The following MAPK10 variants were observed in gnomAD, a reference collection of about 807,000 sequenced individuals.
The protein encoded by MAPK10 is mitogen-activated protein kinase 10.
Under a neutral mutation model 59.3 loss-of-function variants are expected in MAPK10, and 25 were observed. That is an observed-to-expected ratio of 0.42 (90% CI 0.31 to 0.59). The LOEUF (loss-of-function observed/expected upper bound fraction) is 0.59. Among genes scored for constraint, MAPK10 ranks in the 20% least tolerant of loss-of-function variants. MAPK10 has a pLI of 0.15. For missense variants in MAPK10, 351 were observed against 568.9 expected (o/e 0.62, Z 3.90); for synonymous variants, 190 against 200.5 (o/e 0.95, Z 0.44).
intron 2 of MAPK10, among the ~76,000 whole-genome samples, chr4:86,333,712 T>C (rs1435811939): frequency 6.6e-6 from 1 of 152,160 alleles, no homozygotes; most frequent in Non-Finnish European, 1.5e-5. Flanking sequence ...CTCTACCATA[T>C]ACTGGTTGGT....
chr4:86,187,589 A>G (rs11097100), intron 3 of MAPK10, among the ~76,000 whole-genome samples: 12,893 of 152,154 alleles, frequency 0.085, 1,214 homozygotes, highest in African/African-American at 0.23. Flanking sequence ...AAAGAATGAA[A>G]CTATTTTTAT....
intron 2 of MAPK10, among the ~76,000 whole-genome samples, chr4:86,293,061 G>A (rs1203375422): frequency 6.6e-6 from 1 of 152,124 alleles, no homozygotes; most frequent in East Asian, 1.9e-4. Context: ...TATGTCTATA[G>A]TTTAAACATA....
At chr4:86,417,812 C>G (rs1746039007) in intron 1 of MAPK10, among the ~76,000 whole-genome samples, 1 of 152,232 alleles carries the variant, frequency 6.6e-6, no homozygotes, top group African/African-American at 2.4e-5. Flanking sequence ...TTCCTCTTCT[C>G]TCCTTTGAAG....
At chr4:86,137,047 G>C (rs916773947) in intron 4 of MAPK10, among the ~76,000 whole-genome samples, 91 of 151,390 alleles carry the variant, frequency 6.0e-4, no homozygotes, top group Non-Finnish European at 1.1e-3. Context: ...AGTCCTGAGT[G>C]ACCTACAAAG....
chr4:86,179,997 CTAA>C (rs2076541045), intron 3 of MAPK10, among the ~76,000 whole-genome samples: 1 of 151,640 alleles, frequency 6.6e-6, no homozygotes, highest in African/African-American at 2.4e-5. Context: ...TTGTATCAAA[CTAA>C]AAAGCTTTTG....
intron 2 of MAPK10, among the ~76,000 whole-genome samples, chr4:86,208,591 A>C (rs1426689979): frequency 6.6e-6 from 1 of 151,940 alleles, no homozygotes; most frequent in Non-Finnish European, 1.5e-5. Flanking sequence ...GACGTATCTC[A>C]AAATAATAAG....
chr4:86,336,784 CTTTTT>C (rs70948788), intron 2 of MAPK10, among the ~76,000 whole-genome samples: 8 of 83,066 alleles, frequency 9.6e-5, no homozygotes, highest in South Asian at 5.5e-4. Flanking sequence ...GGAATGACTC[CTTTTT>C]TTTTTTTTTT....
intron 13 of MAPK10, among the ~76,000 whole-genome samples, chr4:86,022,165 A>C (rs1747500693): frequency 6.6e-6 from 1 of 152,170 alleles, no homozygotes; most frequent in East Asian, 1.9e-4. Context: ...GCACGCTCTC[A>C]CCTCTCAAAA....
intron 2 of MAPK10, among the ~76,000 whole-genome samples, chr4:86,271,992 C>T (rs1340046148): frequency 6.6e-6 from 1 of 151,938 alleles, no homozygotes; most frequent in East Asian, 1.9e-4. Context: ...CTTCTCTCCC[C>T]CTCCCACTTC....
chr4:86,068,785 C>T (rs1043553645), intron 9 of MAPK10, among the ~76,000 whole-genome samples: 2 of 152,098 alleles, frequency 1.3e-5, no homozygotes, highest in Admixed American at 6.5e-5. Flanking sequence ...TGCAGACATA[C>T]TCAATGATTG....
intron 2 of MAPK10, among the ~76,000 whole-genome samples, chr4:86,203,148 A>C (rs1416465699): frequency 6.6e-6 from 1 of 151,878 alleles, no homozygotes; most frequent in Non-Finnish European, 1.5e-5. Context: ...GCTTTCAATC[A>C]CTAGTTGTTC....
At chr4:86,396,140 G>A (rs570082662) in intron 1 of MAPK10, among the ~76,000 whole-genome samples, 21 of 152,334 alleles carry the variant, frequency 1.4e-4, no homozygotes, top group Middle Eastern at 3.4e-3. Flanking sequence ...GAGGCCAGGA[G>A]ATCGAGACCA....
intron 9 of MAPK10, among the ~76,000 whole-genome samples, chr4:86,077,832 A>C (rs1414140661): frequency 6.6e-6 from 1 of 152,166 alleles, no homozygotes; most frequent in African/African-American, 2.4e-5. Flanking sequence ...TTTATCATGC[A>C]CGCCAAACAG....
intron 1 of MAPK10, among the ~76,000 whole-genome samples, chr4:86,546,570 A>AG (rs1418644136): frequency 5.7e-4 from 87 of 151,676 alleles, no homozygotes; most frequent in Non-Finnish European, 8.4e-4. Context: ...AAAAAAAAAA[A>AG]AAGAAGAAAG....
intron 4 of MAPK10, among the ~76,000 whole-genome samples, chr4:86,137,617 T>C (rs1456871422): frequency 7.0e-5 from 9 of 127,850 alleles, no homozygotes; most frequent in Non-Finnish European, 1.3e-4. Context: ...ACATCACAAT[T>C]AAAACAACTA....
chr4:86,548,306 G>A (rs560539918), intron 1 of MAPK10, among the ~76,000 whole-genome samples: 4 of 152,152 alleles, frequency 2.6e-5, no homozygotes, highest in African/African-American at 9.6e-5. Context: ...CCAGAAGGAA[G>A]AAACTCCAAA....
intron 3 of MAPK10, among the ~76,000 whole-genome samples, chr4:86,183,944 A>C (rs539448447): frequency 3.3e-5 from 5 of 152,242 alleles, no homozygotes; most frequent in Admixed American, 3.3e-4. Context: ...TCTTCTTTTG[A>C]GAAGTGTCTG....
chr4:86,081,248 T>C (rs1387121039), intron 9 of MAPK10: 1 of 152,024 alleles, frequency 6.6e-6, no homozygotes, highest in Non-Finnish European at 1.5e-5. Flanking sequence ...ATCAATTCCA[T>C]GTGGACTAAT....
At chr4:86,304,267 C>T (rs2095522317) in intron 2 of MAPK10, among the ~76,000 whole-genome samples, 1 of 151,936 alleles carries the variant, frequency 6.6e-6, no homozygotes. Flanking sequence ...AGTGGGAAGC[C>T]ACTGAAGAAT....
Sources: gnomAD v4.1 joint callset for allele counts (sites outside exome capture counted in the v4.1 genomes callset) on GRCh38, gnomAD v4.1.1 for gene constraint, MANE v1.5 for transcripts, NCBI Gene and HGNC (gene_info 2026-07-23, HGNC 2026-07-21) for gene names.